Variants in CCDC88A observed in about 807,000 individuals in gnomAD.
The protein encoded by CCDC88A is girdin.
A neutral mutation model predicts 234.3 loss-of-function variants in CCDC88A; 54 were observed. The observed-to-expected ratio is 0.23, with a 90% CI of 0.19 to 0.29. The LOEUF (loss-of-function observed/expected upper bound fraction) is 0.29, where lower values mean the gene tolerates loss of function less well. CCDC88A is among the 10% of genes least tolerant of loss of function. The pLI, the probability that CCDC88A is intolerant of heterozygous loss-of-function variation, is 1.00. For missense variants in CCDC88A, 1,832 were observed against 2,123.4 expected (o/e 0.86, Z 2.70); for synonymous variants, 753 against 737.8 (o/e 1.02, Z -0.33).
chr2:55,355,104 G>A (rs950858384), intron 8 of CCDC88A, among the ~76,000 whole-genome samples: 11 of 151,698 alleles, frequency 7.3e-5, no homozygotes, highest in South Asian at 2.1e-4. Flanking sequence ...TACTAAGTAC[G>A]TAACTCAGGC....
chr2:55,401,433 CCAA>C lies in CCDC88A; in HGVS notation c.165-12550_165-12548del, dbSNP rs1268200008. The stretch of plus-strand genomic sequence containing the variant: ...TGGATGACAGAGAAAGACTCTGTCT[CCAA>C]AAAAAAAAAAAATATATATATATAT... On this transcript the variant is annotated intron_variant, in intron 2 of 32. Coordinates refer to ENST00000436346, the MANE Select transcript of CCDC88A (RefSeq NM_001365480.1). Among the ~76,000 whole-genome samples the C allele has an allele frequency of 1.3e-4, 4 of 30,146 alleles. 1 individual carries two copies. The highest frequency in any genetic ancestry group is 5.0e-4 in the Admixed American group (1 of 2,018). The allele number at this position is 30,146 out of a possible 152,430, so 19.8% of individuals were successfully genotyped here. A position where few individuals can be genotyped will look rare whatever the true frequency, so the allele number is the denominator to read the frequency against.
chr2:55,317,781 G>C lies in CCDC88A; in HGVS notation c.3385C>G (p.Leu1129Val), dbSNP rs763560403. Residue 1129 changes from leucine to valine, a missense_variant, in exon 20 of 33, where the codon CTA (leucine) becomes GTA (valine). By Grantham distance (32) the Leu-to-Val change is conservative (BLOSUM62 1). Transcript: ENST00000436346. This position sits in a 1 kb window ranked among gnomAD's most constrained non-coding sequence, Gnocchi z 4.2. ...TTTTCTAAGGAAGACTGCTGGATTA[G>C]GAGTTGGGCATTCTGGTTCATGAGT... Reference protein sequence around the residue: ...TSLMNQNAQLLIQQSSLENEN... With the variant: ...TSLMNQNAQLVIQQSSLENEN... 1 of 1,612,166 alleles carries C rather than the reference G, an allele frequency of 6.2e-7. No homozygotes were observed. The highest frequency in any genetic ancestry group is 1.1e-5 in the South Asian group (1 of 90,940).
intron 17 of CCDC88A, among the ~76,000 whole-genome samples, chr2:55,325,925 T>A (rs2104656677): frequency 6.6e-6 from 1 of 152,342 alleles, no homozygotes; most frequent in South Asian, 2.1e-4. Context: ...TTGTCTAACA[T>A]TAATATAGCC....
At chr2:55,396,477 T>C (rs1170315888) in intron 2 of CCDC88A, among the ~76,000 whole-genome samples, 1 of 152,132 alleles carries the variant, frequency 6.6e-6, no homozygotes, top group African/African-American at 2.4e-5. Context: ...AAAGCCAAAG[T>C]TCAAACTAGT....
intron 31 of CCDC88A, chr2:55,295,099 T>G: frequency 7.7e-7 from 1 of 1,304,082 alleles, no homozygotes; most frequent in Non-Finnish European, 1.0e-6. Context: ...ACAGTTTGAT[T>G]ATCCTCAGAA....
intron 18 of CCDC88A, among the ~76,000 whole-genome samples, chr2:55,321,737 C>T (rs1209020975): frequency 2.0e-5 from 3 of 151,800 alleles, no homozygotes; most frequent in Non-Finnish European, 4.4e-5. Context: ...ATAGCATGAT[C>T]CCACAGGTAT....
At position 55,334,575 on chromosome 2, in the gene CCDC88A, T is replaced by C. The variant is rs1685273140; in HGVS notation, c.2246A>G (p.Lys749Arg). Reference sequence around the variant, plus strand: ...GCTAACTTCTAAGCGTTCTGTTTTCTTGAAAGATGCTTTCAGGAGCTCCAA... The same window carrying C: ...GCTAACTTCTAAGCGTTCTGTTTTCCTGAAAGATGCTTTCAGGAGCTCCAA... ...KGLELLKASF[K>R]KTERLEVSYQ... Residue 749 changes from lysine to arginine, a missense_variant, in exon 15 of 33, where the codon AAG (lysine) becomes AGG (arginine). Physicochemically the swap from Lys to Arg is conservative, Grantham distance 26. Coordinates refer to ENST00000436346, the MANE Select transcript of CCDC88A (RefSeq NM_001365480.1). This position sits in a 1 kb window ranked among gnomAD's most constrained non-coding sequence, Gnocchi z 6.1. 1 of 1,612,970 alleles carries C rather than the reference T, an allele frequency of 6.2e-7. No homozygotes were observed. Among genetic ancestry groups the C allele is most frequent in the Non-Finnish European group, 8.5e-7 (1 of 1,179,582 alleles).
In CCDC88A at chr2:55,289,637, C is replaced by T. The variant is rs572144096; in HGVS notation, c.*1563G>A. On this transcript the variant is annotated 3_prime_UTR_variant, in exon 33 of 33. Transcript: ENST00000436346. ...CTAAGTTACCGGTGGCATTGAAGTA[C>T]GTAAGTAAGCTCAAGTTCTCTAAGT... 9 of 152,190 alleles carry T rather than the reference C, an allele frequency of 5.9e-5. No individual in the cohort carries two copies. The highest frequency in any genetic ancestry group is 4.1e-4 in the South Asian group (2 of 4,828). The allele number at this position is 152,190 out of a possible 1,614,324, so 9.4% of individuals were successfully genotyped here. A position where few individuals can be genotyped will look rare whatever the true frequency, so the allele number is the denominator to read the frequency against.
At chr2:55,354,332 T>A (rs1670285108) in intron 8 of CCDC88A, among the ~76,000 whole-genome samples, 2 of 151,984 alleles carry the variant, frequency 1.3e-5, no homozygotes, top group Admixed American at 1.3e-4. Flanking sequence ...GGTTTCACCA[T>A]GTTGGCCAGG....
At chr2:55,385,997 G>A (rs2104879603) in intron 3 of CCDC88A, among the ~76,000 whole-genome samples, 1 of 151,878 alleles carries the variant, frequency 6.6e-6, no homozygotes, top group South Asian at 2.1e-4. Flanking sequence ...GCCGAGGCAG[G>A]CGGATTACCT....
chr2:55,411,072 C>T (rs1046436367), intron 2 of CCDC88A, among the ~76,000 whole-genome samples: 4 of 152,154 alleles, frequency 2.6e-5, no homozygotes, highest in African/African-American at 9.7e-5. Flanking sequence ...TCCCACCACT[C>T]TGACTCTCCA....
intron 18 of CCDC88A, among the ~76,000 whole-genome samples, chr2:55,320,216 C>T (rs187972027): frequency 6.6e-6 from 1 of 151,978 alleles, no homozygotes; most frequent in Non-Finnish European, 1.5e-5. Context: ...AGAGGTGAAC[C>T]ATTTTTCACA....
chr2:55,332,550 T>A lies in CCDC88A; in HGVS notation c.2855+16A>T. 1 of 1,589,630 alleles carries A rather than the reference T, an allele frequency of 6.3e-7. No homozygotes were observed. The highest frequency in any genetic ancestry group is 1.4e-5 in the African/African-American group (1 of 73,540). ...AAAAAATTTTCAACTGTTTGCCAAGTAGACTTAGTACTCACCTGTCATCAG... is the reference window on the plus strand; with the variant it reads ...AAAAAATTTTCAACTGTTTGCCAAGAAGACTTAGTACTCACCTGTCATCAG... On this transcript the variant is annotated intron_variant, in intron 16 of 32. Coordinates refer to ENST00000436346, the MANE Select transcript of CCDC88A (RefSeq NM_001365480.1). The surrounding 1 kb of genome is among the most constrained non-coding windows in gnomAD (Gnocchi z 4.5).
In CCDC88A at chr2:55,296,310, A is replaced by T; in HGVS notation, c.5039T>A (p.Val1680Asp). 6.2e-7 allele frequency: 1 copy of T among 1,614,178 alleles called. No homozygotes were observed. Among genetic ancestry groups the T allele is most frequent in the Non-Finnish European group, 8.5e-7 (1 of 1,180,014 alleles). ...KIKTGSPGSE[V>D]VTLQQFLEES... ...TTCCAAAAACTGTTGTAGAGTAACA[A>T]CTTCACTTCCAGGGGAACCAGTTTT... Residue 1680 changes from valine to aspartate, a missense_variant, in exon 30 of 33, where the codon GTT becomes GAT. By Grantham distance (152) the Val-to-Asp change is radical. This residue lies in a region of CCDC88A where 422 missense variants were observed against 416.5 expected (regional missense o/e 1.01). Transcript: ENST00000436346.
chr2:55,388,920 T>C lies in CCDC88A; in HGVS notation c.165-34A>G, dbSNP rs375138562. 217 of 722,696 alleles carry C rather than the reference T, an allele frequency of 3.0e-4. 1 individual carries two copies. In the East Asian group the frequency reaches 5.6e-3, roughly 19 times the overall value. 44.8% of individuals were successfully genotyped at this position (722,696 alleles called of 1,614,324 possible). The stretch of plus-strand genomic sequence containing the variant: ...AATACAAAAATACTTTAAAATTACA[T>C]AAAATACTACTATCAATCTATATAT... On this transcript the variant is annotated intron_variant, in intron 2 of 32. Transcript: ENST00000436346.
intron 7 of CCDC88A, among the ~76,000 whole-genome samples, chr2:55,357,278 C>A (rs1231077013): frequency 6.6e-6 from 1 of 151,900 alleles, no homozygotes; most frequent in Non-Finnish European, 1.5e-5. Context: ...AAGATAGATT[C>A]CTTCCTTCCT....
In CCDC88A at chr2:55,334,879, T is replaced by C; in HGVS notation, c.1942A>G (p.Ile648Val). The change falls in exon 15 of 33, where the codon ATA (isoleucine) becomes GTA (valine). Residue 648 changes from isoleucine (I) to valine (V), a missense_variant. Ile to Val is a conservative substitution (Grantham distance 29, BLOSUM62 3). Coordinates refer to ENST00000436346, the MANE Select transcript of CCDC88A (RefSeq NM_001365480.1). This position sits in a 1 kb window ranked among gnomAD's most constrained non-coding sequence, Gnocchi z 6.1. Reference sequence around the variant, plus strand: ...TCACAAGTAATTTTTAAATTAGTTATTTTTTTCTGTAATAATTCATTTTCT... The same window carrying C: ...TCACAAGTAATTTTTAAATTAGTTACTTTTTTCTGTAATAATTCATTTTCT... ...EKENELLQKKITNLKITCEKI... is the reference protein window; with the variant it reads ...EKENELLQKKVTNLKITCEKI... The C allele has an allele frequency of 6.6e-7, 1 of 1,515,122 alleles. No individual in the cohort carries two copies. The highest frequency in any genetic ancestry group is 9.0e-7 in the Non-Finnish European group (1 of 1,116,350). 93.9% of individuals were successfully genotyped at this position (1,515,122 alleles called of 1,614,324 possible). A position where few individuals can be genotyped will look rare whatever the true frequency, so the allele number is the denominator to read the frequency against.
chr2:55,372,687 A>G (rs1294092520), intron 4 of CCDC88A, among the ~76,000 whole-genome samples, 177 bp from the exon 5 acceptor site: 1 of 152,230 alleles, frequency 6.6e-6, no homozygotes, highest in African/African-American at 2.4e-5. Flanking sequence ...TGGTAACAGC[A>G]GAAGAAATGG....
chr2:55,317,782 G>A lies in CCDC88A; in HGVS notation c.3384C>T (p.Leu1128=). ...STSLMNQNAQ[L]LIQQSSLENE... ...TTTCTAAGGAAGACTGCTGGATTAGGAGTTGGGCATTCTGGTTCATGAGTG... is the reference window on the plus strand; with the variant it reads ...TTTCTAAGGAAGACTGCTGGATTAGAAGTTGGGCATTCTGGTTCATGAGTG... The change falls in exon 20 of 33, where the codon CTC becomes CTT. Residue 1128 remains leucine, a synonymous_variant. Coordinates refer to ENST00000436346, the MANE Select transcript of CCDC88A (RefSeq NM_001365480.1). The surrounding 1 kb of genome is among the most constrained non-coding windows in gnomAD (Gnocchi z 4.2). The A allele has an allele frequency of 1.2e-6, 2 of 1,612,066 alleles. No individual in the cohort carries two copies. The highest frequency in any genetic ancestry group is 1.7e-6 in the Non-Finnish European group (2 of 1,178,596).
Sources: gnomAD v4.1 joint callset for allele counts (sites outside exome capture counted in the v4.1 genomes callset) on GRCh38, gnomAD v4.1.1 for gene constraint, gnomAD v4.1.1 regional missense constraint, Gnocchi (gnomAD v3.1) non-coding constraint, MANE v1.5 for transcripts, NCBI Gene and HGNC (gene_info 2026-07-23, HGNC 2026-07-21) for gene names.